DAP: variants seen among roughly 807,000 people sequenced by gnomAD.
The protein encoded by DAP is death-associated protein 1.
DAP carries 8 observed loss-of-function variants against 13.8 expected under a neutral mutation model. That is an observed-to-expected ratio of 0.58 (90% CI 0.34 to 1.05). The LOEUF (loss-of-function observed/expected upper bound fraction) is 1.05. Among genes scored for constraint, DAP ranks in the 50% least tolerant of loss-of-function variants. The pLI, the probability that DAP is intolerant of heterozygous loss-of-function variation, is 0.03. For synonymous variants in DAP, 47 were observed against 47.5 expected (o/e 0.99, Z 0.04); for missense variants, 106 against 133.2 (o/e 0.80, Z 1.01).
At chr5:10,723,233 T>C (rs942049095) in intron 2 of DAP, among the ~76,000 whole-genome samples, 22 of 152,250 alleles carry the variant, frequency 1.4e-4, no homozygotes, top group Admixed American at 2.6e-4. Flanking sequence ...AAAGGGAAGA[T>C]ACTGTATTAA....
intron 2 of DAP, among the ~76,000 whole-genome samples, chr5:10,690,419 A>G (rs745587791): frequency 1.1e-4 from 17 of 152,356 alleles, no homozygotes; most frequent in South Asian, 2.1e-4. Context: ...ATCTATTTCC[A>G]GAACTTTTTC....
intron 2 of DAP, among the ~76,000 whole-genome samples, chr5:10,711,857 G>A (rs774649233): frequency 9.9e-5 from 15 of 152,218 alleles, no homozygotes; most frequent in Non-Finnish European, 1.5e-4. Context: ...TGGGTACAAA[G>A]TAATATACTA....
chr5:10,748,871 CT>C (rs1474348031), intron 1 of DAP, among the ~76,000 whole-genome samples: 1 of 152,198 alleles, frequency 6.6e-6, no homozygotes, highest in African/African-American at 2.4e-5. Context: ...TTCATTTAAA[CT>C]GTATAATTCG....
At chr5:10,697,835 T>C (rs999924041) in intron 2 of DAP, among the ~76,000 whole-genome samples, 10 of 152,180 alleles carry the variant, frequency 6.6e-5, no homozygotes, top group Non-Finnish European at 8.8e-5. Flanking sequence ...TGGGACCAGC[T>C]GTCACTAGGA....
At chr5:10,741,812 TTG>T (rs1739763607) in intron 2 of DAP, among the ~76,000 whole-genome samples, 1 of 152,268 alleles carries the variant, frequency 6.6e-6, no homozygotes, top group Non-Finnish European at 1.5e-5. Flanking sequence ...GTAGTATTTT[TTG>T]TGACAATCAA....
chr5:10,708,942 A>G (rs1250035311), intron 2 of DAP, among the ~76,000 whole-genome samples: 1 of 152,260 alleles, frequency 6.6e-6, no homozygotes, highest in Non-Finnish European at 1.5e-5. Flanking sequence ...CAAAGGTTAT[A>G]GGCAACATAA....
At chr5:10,734,726 T>C (rs1739561739) in intron 2 of DAP, among the ~76,000 whole-genome samples, 2 of 152,322 alleles carry the variant, frequency 1.3e-5, no homozygotes, top group East Asian at 3.9e-4. Context: ...TTAATTTCTA[T>C]TATATACAAC....
chr5:10,688,789 G>GT (rs901256603), intron 2 of DAP, among the ~76,000 whole-genome samples: 1 of 152,238 alleles, frequency 6.6e-6, no homozygotes, highest in Non-Finnish European at 1.5e-5. Context: ...CAGAGGTGGA[G>GT]TGGAACTCCA....
intron 2 of DAP, among the ~76,000 whole-genome samples, chr5:10,726,872 C>T (rs1212627286): frequency 6.6e-6 from 1 of 152,168 alleles, no homozygotes; most frequent in Non-Finnish European, 1.5e-5. Flanking sequence ...CCAGTCCCCA[C>T]AGTGATGTGA....
At chr5:10,752,328 A>T (rs1319910637) in intron 1 of DAP, among the ~76,000 whole-genome samples, 1 of 152,260 alleles carries the variant, frequency 6.6e-6, no homozygotes, top group Non-Finnish European at 1.5e-5. Flanking sequence ...AGACAGATTC[A>T]TTTTAACTTA....
At chr5:10,711,474 GC>G (rs1738851002) in intron 2 of DAP, among the ~76,000 whole-genome samples, 1 of 152,200 alleles carries the variant, frequency 6.6e-6, no homozygotes, top group South Asian at 2.1e-4. Flanking sequence ...CCTAATGACT[GC>G]CCCCACACTG....
At position 10,761,086 on chromosome 5, in the gene DAP, G is replaced by T. The variant is rs1401191812; in HGVS notation, c.-18C>A. The T allele has an allele frequency of 8.3e-7, 1 of 1,206,536 alleles. No homozygotes were observed. Among genetic ancestry groups the T allele is most frequent in the Non-Finnish European group, 1.0e-6 (1 of 959,778 alleles). The allele number at this position is 1,206,536 out of a possible 1,614,324, so 74.7% of individuals were successfully genotyped here. A position where few individuals can be genotyped will look rare whatever the true frequency, so the allele number is the denominator to read the frequency against. ...GAAGACATGACGCGGCGGGGCTTCC[G>T]CGGGGCCGAGGCGGCGGCGCGGTTC... On this transcript the variant is annotated 5_prime_UTR_variant, in exon 1 of 4. Transcript: ENST00000230895.
intron 2 of DAP, among the ~76,000 whole-genome samples, chr5:10,726,140 G>A (rs1398055596): frequency 6.6e-6 from 1 of 152,204 alleles, no homozygotes; most frequent in East Asian, 1.9e-4. Context: ...GGAAAAAAAT[G>A]TTCAATTCTG....
rs1402176973 is a variant in DAP, at chr5:10,711,443, G to A, written c.153-27872C>T. Among the ~76,000 whole-genome samples the A allele has an allele frequency of 2.6e-5, 4 of 152,370 alleles. No individual in the cohort carries two copies. In the East Asian group the frequency reaches 7.7e-4, roughly 29 times the overall value. ...GCGTAACTGCCCTGGTTTGAGGAAG[G>A]AGCAGTGTTTACAGGATTCTCCTAA... On this transcript the variant is annotated intron_variant, in intron 2 of 3. Transcript: ENST00000230895.
chr5:10,720,733 A>G (rs1374223444), intron 2 of DAP, among the ~76,000 whole-genome samples: 1 of 152,236 alleles, frequency 6.6e-6, no homozygotes, highest in African/African-American at 2.4e-5. Flanking sequence ...ATACGGCACC[A>G]TTCCTCGGGG....
rs189864119 is a variant in DAP at position 10,737,296 on chromosome 5, A to G, written c.152+10879T>C. ...GGGAGGTAGAGCTTGCAGTGAGCTGAGATCACGCCACTGCACTCCAGCCTG... is the reference window on the plus strand; with the variant it reads ...GGGAGGTAGAGCTTGCAGTGAGCTGGGATCACGCCACTGCACTCCAGCCTG... On this transcript the variant is annotated intron_variant, in intron 2 of 3. Transcript: ENST00000230895. Among the ~76,000 whole-genome samples, 518 of 150,924 alleles carry G rather than the reference A, an allele frequency of 3.4e-3. 3 individuals are homozygous for G. Among genetic ancestry groups the G allele is most frequent in the African/African-American group, 0.012 (504 of 41,146 alleles).
At chr5:10,713,079 A>G (rs1225419752) in intron 2 of DAP, among the ~76,000 whole-genome samples, 3 of 152,140 alleles carry the variant, frequency 2.0e-5, no homozygotes, top group South Asian at 4.1e-4. Flanking sequence ...TCTGCCTTAC[A>G]TCTTTATCTC....
At position 10,683,558 on chromosome 5, in the gene DAP, T is replaced by A. The variant is rs1738077435; in HGVS notation, c.166A>T (p.Thr56Ser). Residue 56 changes from threonine (T) to serine (S), a missense_variant, in exon 3 of 4, where the codon ACT (threonine) becomes TCT (serine). Transcript: ENST00000230895. ...GCGATGACCCCAGAGATGAACACAG[T>A]GGGTTTAGGTGGACTGGAAAAAAAG... ...EWESPSPPKP[T>S]VFISGVIARG... is the part of the protein sequence containing the mutation. 2 of 1,611,684 alleles carry A rather than the reference T, an allele frequency of 1.2e-6. No homozygotes were observed. Among genetic ancestry groups the A allele is most frequent in the Non-Finnish European group, 1.7e-6 (2 of 1,179,392 alleles).
chr5:10,693,777 A>C (rs1187214978), intron 2 of DAP, among the ~76,000 whole-genome samples: 1 of 152,234 alleles, frequency 6.6e-6, no homozygotes, highest in Non-Finnish European at 1.5e-5. Context: ...TCTAAATGTA[A>C]CCTGAGGGTC....
Sources: allele counts gnomAD v4.1 joint callset (sites outside exome capture counted in the v4.1 genomes callset), GRCh38; gene constraint gnomAD v4.1.1; transcripts MANE v1.5; gene names NCBI Gene and HGNC (gene_info 2026-07-23, HGNC 2026-07-21).